The following CAPZB variants were observed in gnomAD, a reference collection of about 807,000 sequenced individuals.
CAPZB encodes the protein capping actin protein of muscle Z-line subunit beta, also known as F-actin-capping protein subunit beta.
CAPZB carries 2 observed loss-of-function variants against 38.1 expected under a neutral mutation model. The observed-to-expected ratio is 0.05, with a 90% CI of 0.02 to 0.17. The LOEUF is 0.17. Among genes scored for constraint, CAPZB ranks in the 10% least tolerant of loss-of-function variants. The pLI is 1.00. For missense variants in CAPZB, 161 were observed against 334.2 expected (o/e 0.48, Z 4.04); for synonymous variants, 107 against 127.4 (o/e 0.84, Z 1.08).
At chr1:19,471,598 C>T (rs553940922) in intron 1 of CAPZB, among the ~76,000 whole-genome samples, 2 of 151,250 alleles carry the variant, frequency 1.3e-5, no homozygotes, top group African/African-American at 2.4e-5. Context: ...GGCGCTGTGG[C>T]TCACACCTGT....
chr1:19,436,167 T>C (rs190104192), intron 1 of CAPZB, among the ~76,000 whole-genome samples: 4 of 152,336 alleles, frequency 2.6e-5, no homozygotes, highest in Admixed American at 2.6e-4. Context: ...AGTGGAAAAT[T>C]CCACAAACAA....
At chr1:19,353,996 CATCT>C (rs1486087799) in intron 6 of CAPZB, among the ~76,000 whole-genome samples, 1 of 152,232 alleles carries the variant, frequency 6.6e-6, no homozygotes. Context: ...CATGCACTTC[CATCT>C]GACTATTTAG....
intron 1 of CAPZB, chr1:19,484,650 C>A: frequency 1.7e-6 from 2 of 1,164,834 alleles, no homozygotes; most frequent in Non-Finnish European, 2.2e-6. Context: ...AGAAGGCGCG[C>A]CCCAGGTACA....
chr1:19,475,482 G>A (rs960156829), intron 1 of CAPZB, among the ~76,000 whole-genome samples: 9 of 152,176 alleles, frequency 5.9e-5, no homozygotes, highest in African/African-American at 9.7e-5. Flanking sequence ...CTCCCACCAC[G>A]GCCAAACCCT....
chr1:19,440,087 G>A (rs1275950773), intron 1 of CAPZB, among the ~76,000 whole-genome samples: 1 of 152,234 alleles, frequency 6.6e-6, no homozygotes, highest in Non-Finnish European at 1.5e-5. Context: ...AACCTGCTTA[G>A]AAAGCACTTC....
chr1:19,405,604 A>T (rs2094327666), intron 2 of CAPZB, among the ~76,000 whole-genome samples: 1 of 151,794 alleles, frequency 6.6e-6, no homozygotes, highest in South Asian at 2.1e-4. Flanking sequence ...GCCTGGGGCA[A>T]ATCTCCTGAA....
At chr1:19,396,788 A>C (rs58690945) in intron 2 of CAPZB, among the ~76,000 whole-genome samples, 6,964 of 39,122 alleles carry the variant, frequency 0.18, 531 homozygotes, top group African/African-American at 0.34. Flanking sequence ...TAAAAATACA[A>C]AAAAAAAAAA....
chr1:19,349,011 G>A lies in CAPZB; in HGVS notation c.589-3759C>T, dbSNP rs76971975. Among the ~76,000 whole-genome samples, 388 of 152,270 alleles carry A rather than the reference G, an allele frequency of 2.5e-3. 1 individual carries two copies. The highest frequency in any genetic ancestry group is 9.0e-3 in the African/African-American group (374 of 41,550). ...GGGGTCTCCATAAAACAGGAGTAGT[G>A]AGAGTGCCCATGAGCTTGAGAGTCA... is the stretch of plus-strand genomic sequence containing the variant. On this transcript the variant is annotated intron_variant, in intron 6 of 8. Transcript: ENST00000264202.
chr1:19,465,318 C>T (rs1252573484), intron 1 of CAPZB, among the ~76,000 whole-genome samples: 1 of 152,114 alleles, frequency 6.6e-6, no homozygotes, highest in African/African-American at 2.4e-5. Context: ...CTGGCCAGCC[C>T]CTTCCACCAT....
At chr1:19,455,013 A>C (rs747399007) in intron 1 of CAPZB, among the ~76,000 whole-genome samples, 1 of 152,238 alleles carries the variant, frequency 6.6e-6, no homozygotes, top group Non-Finnish European at 1.5e-5. Context: ...GGTCCCGCAA[A>C]GAGGAAGCCA....
intron 2 of CAPZB, among the ~76,000 whole-genome samples, chr1:19,407,524 T>A (rs1259179727): frequency 1.3e-5 from 2 of 151,978 alleles, no homozygotes; most frequent in Non-Finnish European, 2.9e-5. Context: ...AGGTGAGCAG[T>A]GCTGATAAGG....
At chr1:19,399,382 T>G (rs991523575) in intron 2 of CAPZB, among the ~76,000 whole-genome samples, 1 of 152,054 alleles carries the variant, frequency 6.6e-6, no homozygotes, top group Admixed American at 6.5e-5. Flanking sequence ...CAGAGTTAGG[T>G]TGGTAAAAAG....
intron 3 of CAPZB, among the ~76,000 whole-genome samples, chr1:19,383,171 C>T (rs944318811): frequency 4.0e-5 from 6 of 150,620 alleles, no homozygotes; most frequent in Admixed American, 3.3e-4. Context: ...TGGGGCTGGG[C>T]GCAGTGGCTC....
chr1:19,423,612 T>C (rs1332731852), intron 1 of CAPZB, among the ~76,000 whole-genome samples: 1 of 150,010 alleles, frequency 6.7e-6, no homozygotes, highest in African/African-American at 2.5e-5. Context: ...GCAACCTCTG[T>C]CTCCTGGGCT....
At chr1:19,351,832 C>T (rs781293082) in intron 6 of CAPZB, among the ~76,000 whole-genome samples, 2 of 152,178 alleles carry the variant, frequency 1.3e-5, no homozygotes, top group African/African-American at 2.4e-5. Context: ...CTGCCTCAGC[C>T]GCCTCCTGCC....
At chr1:19,423,046 C>A (rs2094407725) in intron 1 of CAPZB, among the ~76,000 whole-genome samples, 2 of 119,490 alleles carry the variant, frequency 1.7e-5, no homozygotes, top group Admixed American at 9.0e-5. Context: ...CATCCCCACC[C>A]CGCAAGGGGC....
At chr1:19,436,331 A>G (rs764332194) in intron 1 of CAPZB, among the ~76,000 whole-genome samples, 1 of 152,210 alleles carries the variant, frequency 6.6e-6, no homozygotes, top group Admixed American at 6.6e-5. Flanking sequence ...CTCGGTTCTC[A>G]GATCCACTGT....
At chr1:19,388,992 C>G (rs1289362537) in intron 2 of CAPZB, among the ~76,000 whole-genome samples, 2 of 152,190 alleles carry the variant, frequency 1.3e-5, no homozygotes, top group Non-Finnish European at 2.9e-5. Flanking sequence ...CCATTTTTGC[C>G]TTTTGGATCA....
intron 1 of CAPZB, among the ~76,000 whole-genome samples, chr1:19,456,514 C>T (rs1411199763): frequency 6.6e-6 from 1 of 152,186 alleles, no homozygotes; most frequent in Non-Finnish European, 1.5e-5. Flanking sequence ...GGGTTCCCTT[C>T]AACGTAGGTG....
Sources: gnomAD v4.1 joint callset for allele counts (sites outside exome capture counted in the v4.1 genomes callset) on GRCh38, gnomAD v4.1.1 for gene constraint, MANE v1.5 for transcripts, NCBI Gene and HGNC (gene_info 2026-07-23, HGNC 2026-07-21) for gene names.